MED27: variants seen among roughly 807,000 people sequenced by gnomAD.
MED27 encodes mediator of RNA polymerase II transcription subunit 27.
MED27 carries 30 observed loss-of-function variants against 38.2 expected under a neutral mutation model. That is an observed-to-expected ratio of 0.79 (90% CI 0.59 to 1.07). MED27 has a LOEUF of 1.07. Among genes scored for constraint, MED27 ranks in the 50% least tolerant of loss-of-function variants. MED27 has a pLI of 0.00. For missense variants in MED27, 289 were observed against 397.5 expected (o/e 0.73, Z 2.32); for synonymous variants, 122 against 153.5 (o/e 0.79, Z 1.52).
intron 2 of MED27, among the ~76,000 whole-genome samples, chr9:132,049,138 A>G (rs959615046): frequency 3.9e-5 from 6 of 152,214 alleles, no homozygotes; most frequent in Non-Finnish European, 7.3e-5. Context: ...CCACCATGGC[A>G]GCAGAGCCTA....
intron 4 of MED27, among the ~76,000 whole-genome samples, chr9:131,903,644 T>G (rs540363009): frequency 2.2e-4 from 34 of 152,346 alleles, no homozygotes; most frequent in African/African-American, 7.7e-4. Flanking sequence ...GCACAGCTGA[T>G]GCTATTGAGC....
chr9:132,067,446 C>G (rs1293051445), intron 2 of MED27, among the ~76,000 whole-genome samples: 1 of 152,068 alleles, frequency 6.6e-6, no homozygotes, highest in Admixed American at 6.5e-5. Flanking sequence ...GAGTTTTCCA[C>G]AGAAAGAAAG....
In MED27 at chr9:131,860,618, T is replaced by C. The variant is rs372535150; in HGVS notation, c.856A>G (p.Lys286Glu). The C allele has an allele frequency of 1.9e-6, 3 of 1,611,594 alleles. No homozygotes were observed. In the African/African-American group the frequency reaches 4.0e-5, roughly 22 times the overall value. Residue 286 changes from lysine to glutamate, a missense_variant, in exon 8 of 8, where the codon AAG becomes GAG. Coordinates refer to ENST00000292035, the MANE Select transcript of MED27 (RefSeq NM_004269.4). This position sits in a 1 kb window ranked among gnomAD's most constrained non-coding sequence, Gnocchi z 5.8. ...GGGGGAAGGCCGTCCTGCAGAAACT[T>C]CCCGCAGCGCTGGCACGGGGCCTGG... The part of the protein sequence containing the change: ...LFQAPCQRCG[K>E]FLQDGLPPTW...
At chr9:131,996,837 A>G (rs1300174340) in intron 3 of MED27, among the ~76,000 whole-genome samples, 1 of 152,216 alleles carries the variant, frequency 6.6e-6, no homozygotes, top group Non-Finnish European at 1.5e-5. Flanking sequence ...AATGAACAGT[A>G]AATATTTTTT....
At chr9:131,989,903 T>C (rs955869787) in intron 3 of MED27, among the ~76,000 whole-genome samples, 12 of 152,116 alleles carry the variant, frequency 7.9e-5, no homozygotes, top group Non-Finnish European at 1.8e-4. Context: ...ACCTGGCAAG[T>C]CACTGGGCCA....
At chr9:131,873,005 C>G (rs1838863628) in intron 6 of MED27, among the ~76,000 whole-genome samples, 1 of 152,214 alleles carries the variant, frequency 6.6e-6, no homozygotes, top group South Asian at 2.1e-4. Flanking sequence ...GGCACAGGTG[C>G]CCAGGCAGTT....
rs1838783389 is a variant in MED27, at chr9:131,869,048, T to C, written c.724-5908A>G. The C allele has an allele frequency of 3.0e-6, 3 of 985,354 alleles. No homozygotes were observed. In the Admixed American group the frequency reaches 1.8e-4, roughly 61 times the overall value. The allele number at this position is 985,354 out of a possible 1,614,324, so 61.0% of individuals were successfully genotyped here. A position where few individuals can be genotyped will look rare whatever the true frequency, so the allele number is the denominator to read the frequency against. On this transcript the variant is annotated intron_variant, in intron 6 of 7. Coordinates refer to ENST00000292035, the MANE Select transcript of MED27 (RefSeq NM_004269.4). ...TCAGCCTCTTTTTCAAAAAGTCCAG[T>C]ATAAAGCATATATTCTCTTCCACTG...
intron 6 of MED27, among the ~76,000 whole-genome samples, chr9:131,877,071 A>G (rs1348415283): frequency 6.6e-6 from 1 of 152,218 alleles, no homozygotes; most frequent in African/African-American, 2.4e-5. Flanking sequence ...TCTGGGAGGC[A>G]GCTCCCAGCT....
At chr9:132,071,381 C>T (rs990464369) in intron 2 of MED27, among the ~76,000 whole-genome samples, 4 of 152,008 alleles carry the variant, frequency 2.6e-5, no homozygotes, top group African/African-American at 7.2e-5. Flanking sequence ...AATGAGCACA[C>T]ACACGAGTAA....
At chr9:132,074,854 G>A (rs1834011745) in intron 2 of MED27, among the ~76,000 whole-genome samples, 1 of 152,212 alleles carries the variant, frequency 6.6e-6, no homozygotes. Flanking sequence ...TGCTATAACA[G>A]AAATAAAAAA....
At chr9:131,942,086 A>C (rs537356862) in intron 3 of MED27, among the ~76,000 whole-genome samples, 43 of 151,930 alleles carry the variant, frequency 2.8e-4, no homozygotes, top group Non-Finnish European at 5.9e-4. Flanking sequence ...TGGCTTCCCA[A>C]AGTGCTGGGA....
intron 3 of MED27, among the ~76,000 whole-genome samples, chr9:131,993,865 G>A (rs1038250591): frequency 7.2e-5 from 11 of 152,056 alleles, no homozygotes; most frequent in South Asian, 2.1e-4. Flanking sequence ...AGACATGCAC[G>A]TTAGGTGAAC....
At chr9:131,980,276 C>T (rs1380174989) in intron 3 of MED27, among the ~76,000 whole-genome samples, 4 of 152,050 alleles carry the variant, frequency 2.6e-5, no homozygotes, top group African/African-American at 9.7e-5. Flanking sequence ...ACTGAACTGC[C>T]TTAAAAATAA....
chr9:131,924,575 T>C (rs1589214900), intron 4 of MED27, among the ~76,000 whole-genome samples: 2 of 152,318 alleles, frequency 1.3e-5, no homozygotes, highest in East Asian at 3.9e-4. Context: ...GTTTTTCCTT[T>C]TTATGACTGA....
At chr9:131,947,595 A>G (rs1007195492) in intron 3 of MED27, among the ~76,000 whole-genome samples, 1 of 152,158 alleles carries the variant, frequency 6.6e-6, no homozygotes, top group Non-Finnish European at 1.5e-5. Flanking sequence ...ATCCAAATAC[A>G]TTGCAAACTA....
At chr9:131,878,208 GGT>G (rs1197026461) in intron 6 of MED27, among the ~76,000 whole-genome samples, 3 of 151,810 alleles carry the variant, frequency 2.0e-5, no homozygotes, top group Non-Finnish European at 4.4e-5. Context: ...GGGAAGTGGA[GGT>G]TGCAGTGAGC....
chr9:131,976,489 T>C (rs1242510848), intron 3 of MED27, among the ~76,000 whole-genome samples: 1 of 152,238 alleles, frequency 6.6e-6, no homozygotes, highest in Non-Finnish European at 1.5e-5. Context: ...AGATGAGTGA[T>C]AGGATTATTC....
Position 131,997,036 on chromosome 9 carries a change from C to T in MED27, c.479+17301G>A, listed in dbSNP as rs1254923730. Among the ~76,000 whole-genome samples the T allele has an allele frequency of 6.6e-6, 1 of 152,076 alleles. No homozygotes were observed. Among genetic ancestry groups the T allele is most frequent in the African/African-American group, 2.4e-5 (1 of 41,412 alleles). On this transcript the variant is annotated intron_variant, in intron 3 of 7. Coordinates refer to ENST00000292035, the MANE Select transcript of MED27 (RefSeq NM_004269.4). This position sits in a 1 kb window ranked among gnomAD's most constrained non-coding sequence, Gnocchi z 4.0. ...TTTTGACTATGGTGGGGGATGGGTA[C>T]CCCTAACGCTGTGTTAAGGGTCAAC...
intron 2 of MED27, among the ~76,000 whole-genome samples, chr9:132,023,979 G>A (rs908542387): frequency 3.3e-5 from 5 of 152,106 alleles, no homozygotes; most frequent in African/African-American, 7.2e-5. Context: ...TCAGGACTAC[G>A]AGGAGGCAAC....
Sources: allele counts gnomAD v4.1 joint callset (sites outside exome capture counted in the v4.1 genomes callset), GRCh38; gene constraint gnomAD v4.1.1; non-coding constraint Gnocchi (gnomAD v3.1); transcripts MANE v1.5; gene names NCBI Gene and HGNC (gene_info 2026-07-23, HGNC 2026-07-21).